Variants in SLC24A4 observed in about 807,000 individuals in gnomAD.
The protein encoded by SLC24A4 is solute carrier family 24 member 4.
Under a neutral mutation model 79.0 loss-of-function variants are expected in SLC24A4, and 53 were observed. That is an observed-to-expected ratio of 0.67 (90% CI 0.54 to 0.84). The LOEUF (loss-of-function observed/expected upper bound fraction) is 0.84. Among genes scored for constraint, SLC24A4 ranks in the 40% least tolerant of loss-of-function variants. The pLI is 0.00. For missense variants in SLC24A4, 731 were observed against 822.0 expected (o/e 0.89, Z 1.35); for synonymous variants, 323 against 323.8 (o/e 1.00, Z 0.03).
chr14:92,357,780 A>G (rs569833859), intron 2 of SLC24A4, among the ~76,000 whole-genome samples: 3 of 152,250 alleles, frequency 2.0e-5, no homozygotes, highest in Non-Finnish European at 4.4e-5. Context: ...ATGGTTGCAC[A>G]ACAATGTGAA....
chr14:92,414,176 A>C (rs1890861904), intron 2 of SLC24A4, among the ~76,000 whole-genome samples: 1 of 152,108 alleles, frequency 6.6e-6, no homozygotes, highest in Admixed American at 6.5e-5. Context: ...CGGGGGCTGG[A>C]TAATTCTTTG....
At position 92,499,839 on chromosome 14, in the gene SLC24A4, T is replaced by C. The variant is rs183390295; in HGVS notation, c.*6211T>C. 4.9e-3 allele frequency: 649 copies of C among 131,166 alleles called. 7 individuals are homozygous for C. Among genetic ancestry groups the C allele is most frequent in the Middle Eastern group, 0.039 (6 of 154 alleles). The allele number at this position is 131,166 out of a possible 1,614,324, so 8.1% of individuals were successfully genotyped here. A position where few individuals can be genotyped will look rare whatever the true frequency, so the allele number is the denominator to read the frequency against. ...CGGCCCAAGCAGTTGCTTCTTTTTT[T>C]CTCTTTTTTTTTTTTTTTGAGATGG... On this transcript the variant is annotated 3_prime_UTR_variant, in exon 17 of 17. Transcript: ENST00000532405.
chr14:92,403,203 A>G (rs775000622), intron 2 of SLC24A4, among the ~76,000 whole-genome samples: 1 of 152,104 alleles, frequency 6.6e-6, no homozygotes, highest in Non-Finnish European at 1.5e-5. Context: ...TCTTCTCAGC[A>G]GTAAGTGAGG....
At position 92,398,201 on chromosome 14, in the gene SLC24A4, TC is replaced by T. The variant is rs1889889364; in HGVS notation, c.242-35710del. On this transcript the variant is annotated intron_variant, in intron 2 of 16. Coordinates refer to ENST00000532405, the MANE Select transcript of SLC24A4 (RefSeq NM_153646.4). This position sits in a 1 kb window ranked among gnomAD's most constrained non-coding sequence, Gnocchi z 4.1. ...TGCCTAAGTTGGTTGAAACATGCCC[TC>T]ATGGTTGGTAAATTGGTAGTCAGAA... 6.6e-6 allele frequency among the ~76,000 whole-genome samples: 1 copy of T among 152,198 alleles called. No individual in the cohort carries two copies.
At chr14:92,388,318 C>T (rs1052380687) in intron 2 of SLC24A4, among the ~76,000 whole-genome samples, 10 of 152,168 alleles carry the variant, frequency 6.6e-5, no homozygotes, top group Non-Finnish European at 1.5e-4. Context: ...GGTGTCCCTT[C>T]GCACCTCGAG....
chr14:92,450,323 C>T (rs1893063859), intron 10 of SLC24A4: 1 of 152,266 alleles, frequency 6.6e-6, no homozygotes, highest in Non-Finnish European at 1.5e-5. Flanking sequence ...GCAGGGGCTT[C>T]CTCCCATGTG....
chr14:92,459,787 G>T (rs1241224530), intron 12 of SLC24A4, among the ~76,000 whole-genome samples: 1 of 152,130 alleles, frequency 6.6e-6, no homozygotes, highest in African/African-American at 2.4e-5. Context: ...TTGAGGCCCG[G>T]GGTAGGCAGA....
intron 2 of SLC24A4, among the ~76,000 whole-genome samples, chr14:92,364,364 AGGAG>A (rs1168088794): frequency 6.6e-6 from 1 of 152,152 alleles, no homozygotes; most frequent in African/African-American, 2.4e-5. Flanking sequence ...TGGGAAAGAC[AGGAG>A]GAAGCAGGGC....
chr14:92,441,256 G>C lies in SLC24A4; in HGVS notation c.394-833G>C, dbSNP rs1000793451. On this transcript the variant is annotated intron_variant, in intron 4 of 16. Transcript: ENST00000532405. This position sits in a 1 kb window ranked among gnomAD's most constrained non-coding sequence, Gnocchi z 4.6. ...CCGCAGAGTGGGCGCCTCCAGATTG[G>C]TTTTCAGGCAGACCCTCAGTCTCCA... Among the ~76,000 whole-genome samples the C allele has an allele frequency of 6.6e-6, 1 of 152,190 alleles. No homozygotes were observed. Among genetic ancestry groups the C allele is most frequent in the African/African-American group, 2.4e-5 (1 of 41,448 alleles).
At chr14:92,364,284 G>A (rs141882476) in intron 2 of SLC24A4, among the ~76,000 whole-genome samples, 264 of 152,270 alleles carry the variant, frequency 1.7e-3, no homozygotes, top group African/African-American at 5.8e-3. Flanking sequence ...AGAATGGTTC[G>A]AATGGGATCA....
chr14:92,420,209 C>T (rs1423488514), intron 2 of SLC24A4, among the ~76,000 whole-genome samples: 2 of 152,176 alleles, frequency 1.3e-5, no homozygotes, highest in East Asian at 1.9e-4. Flanking sequence ...GGGCTGGGCA[C>T]GGTGGTTCAC....
In SLC24A4 at chr14:92,356,380, T is replaced by C. The variant is rs1887182992; in HGVS notation, c.241+30402T>C. On this transcript the variant is annotated intron_variant, in intron 2 of 16. Coordinates refer to ENST00000532405, the MANE Select transcript of SLC24A4 (RefSeq NM_153646.4). ...TTAAATTAATGTGACATTTTCCTTGTGAAATGTTTTTCTTTCTTGAAAACT... is the reference window on the plus strand; with the variant it reads ...TTAAATTAATGTGACATTTTCCTTGCGAAATGTTTTTCTTTCTTGAAAACT... Among the ~76,000 whole-genome samples the C allele has an allele frequency of 2.0e-5, 3 of 152,360 alleles. No homozygotes were observed. In the South Asian group the frequency reaches 6.2e-4, roughly 32 times the overall value.
intron 12 of SLC24A4, among the ~76,000 whole-genome samples, chr14:92,466,631 T>C (rs1050916935): frequency 1.3e-5 from 2 of 152,182 alleles, no homozygotes; most frequent in African/African-American, 4.8e-5. Context: ...GTGCTTCACA[T>C]AAACATAGGA....
At chr14:92,377,442 C>T (rs887130023) in intron 2 of SLC24A4, among the ~76,000 whole-genome samples, 2 of 152,158 alleles carry the variant, frequency 1.3e-5, no homozygotes. Flanking sequence ...GCTGTTTGCC[C>T]AAACTAAGGA....
At chr14:92,424,903 A>G (rs183389095) in intron 2 of SLC24A4, among the ~76,000 whole-genome samples, 165 of 152,200 alleles carry the variant, frequency 1.1e-3, no homozygotes, top group African/African-American at 3.8e-3. Context: ...AACAAAACCC[A>G]GCTCTTGCGG....
chr14:92,476,309 C>T (rs1894760957), intron 12 of SLC24A4, among the ~76,000 whole-genome samples: 1 of 152,150 alleles, frequency 6.6e-6, no homozygotes, highest in Non-Finnish European at 1.5e-5. Flanking sequence ...ACAAACCAAT[C>T]AAGGCAGGAA....
chr14:92,372,671 G>A (rs1054280450), intron 2 of SLC24A4, among the ~76,000 whole-genome samples: 10 of 152,078 alleles, frequency 6.6e-5, no homozygotes, highest in Admixed American at 6.5e-5. Context: ...TTCCAGAATC[G>A]GAGGATCTAG....
At chr14:92,468,747 TAACTC>T (rs1200939963) in intron 12 of SLC24A4, among the ~76,000 whole-genome samples, 11 of 152,180 alleles carry the variant, frequency 7.2e-5, no homozygotes, top group Admixed American at 2.6e-4. Context: ...ATACAAAAGT[TAACTC>T]AATATGAAAC....
Position 92,456,482 on chromosome 14 carries a change from G to A in SLC24A4, c.1129G>A (p.Gly377Arg), listed in dbSNP as rs376229546. ...CGGGAGGCACGAGAACATTGAGAAC[G>A]GGAATGTTCCTGTGGAAAACCCCGA... ...QNGRHENIEN[G>R]NVPVENPEDP... Residue 377 changes from glycine (G) to arginine (R), a missense_variant, in exon 12 of 17, where the codon GGG becomes AGG. By Grantham distance (125) the Gly-to-Arg change is moderately radical. Transcript: ENST00000532405. 374 of 1,614,062 alleles carry A rather than the reference G, an allele frequency of 2.3e-4. No individual in the cohort carries two copies. The highest frequency in any genetic ancestry group is 3.1e-4 in the Non-Finnish European group (365 of 1,180,042).
Sources: gnomAD v4.1 joint callset for allele counts (sites outside exome capture counted in the v4.1 genomes callset) on GRCh38, gnomAD v4.1.1 for gene constraint, Gnocchi (gnomAD v3.1) non-coding constraint, MANE v1.5 for transcripts, NCBI Gene and HGNC (gene_info 2026-07-23, HGNC 2026-07-21) for gene names.